Variants in OTOF observed in about 807,000 individuals in gnomAD.
OTOF encodes otoferlin.
OTOF carries 218 observed loss-of-function variants against 236.8 expected under a neutral mutation model. The ratio of observed to expected loss-of-function variants is 0.92; its 90% CI spans 0.82 to 1.03. The LOEUF (loss-of-function observed/expected upper bound fraction) is 1.03, where lower values mean the gene tolerates loss of function less well. Ranked by LOEUF, OTOF falls within the 50% of genes least tolerant of loss-of-function variation. The pLI, the probability that OTOF is intolerant of heterozygous loss-of-function variation, is 0.00. For synonymous variants in OTOF, 1,041 were observed against 1,072.5 expected (o/e 0.97, Z 0.57); for missense variants, 2,590 against 2,694.4 (o/e 0.96, Z 0.86).
At position 26,484,329 on chromosome 2, in the gene OTOF, G is replaced by C. The variant is rs55877994; in HGVS notation, c.1205+145C>G. On this transcript the variant is annotated intron_variant, in intron 12 of 46. Transcript: ENST00000272371. ...TCACCCCCTGCCCCTGCCCTGCCTCGGAAGAGTGGGGCTGCTTGGGAGAGT... is the reference window on the plus strand; with the variant it reads ...TCACCCCCTGCCCCTGCCCTGCCTCCGAAGAGTGGGGCTGCTTGGGAGAGT... The C allele has an allele frequency of 1.7e-5, 14 of 846,840 alleles. No homozygotes were observed. The African/African-American group carries it at 2.3e-4, about 14-fold the overall frequency. 52.5% of individuals were successfully genotyped at this position (846,840 alleles called of 1,614,324 possible).
At chr2:26,516,300 C>T in intron 5 of OTOF, 118 bp downstream of exon 5, 1 of 938,638 alleles carries the variant, frequency 1.1e-6, no homozygotes, top group East Asian at 2.4e-5. Flanking sequence ...TCTCCAGAAG[C>T]TCAGCCCTGT....
chr2:26,510,459 G>A (rs541222580), intron 5 of OTOF, among the ~76,000 whole-genome samples: 1 of 152,074 alleles, frequency 6.6e-6, no homozygotes, highest in South Asian at 2.1e-4. Context: ...GGTCACCCCC[G>A]AGAGCCCAGA....
Position 26,516,344 on chromosome 2 carries a change from C to T in OTOF, c.509+74G>A, listed in dbSNP as rs894804487. 3.6e-5 allele frequency: 50 copies of T among 1,385,058 alleles called. No homozygotes were observed. In the Middle Eastern group the frequency reaches 5.8e-4, roughly 16 times the overall value. The allele number at this position is 1,385,058 out of a possible 1,614,324, so 85.8% of individuals were successfully genotyped here. On this transcript the variant is annotated intron_variant, in intron 5 of 46. Transcript: ENST00000272371. ...CCCAGCTAGGCCTAGAGAGGCCTGT[C>T]AGTAGGACCAGGCCCCAGGTCTCTT...
chr2:26,531,062 C>T (rs2148116156), intron 2 of OTOF, among the ~76,000 whole-genome samples: 1 of 152,328 alleles, frequency 6.6e-6, no homozygotes, highest in East Asian at 1.9e-4. Flanking sequence ...TCCTCTACAG[C>T]TCCCTGAAAG....
intron 1 of OTOF, among the ~76,000 whole-genome samples, chr2:26,546,415 T>G (rs1459970863): frequency 6.6e-6 from 1 of 151,562 alleles, no homozygotes; most frequent in East Asian, 1.9e-4. Context: ...GAGCTGAGAT[T>G]GCTCCATTGC....
At chr2:26,502,248 C>A in intron 7 of OTOF, 52 bp downstream of exon 7, 1 of 1,608,008 alleles carries the variant, frequency 6.2e-7, no homozygotes, top group South Asian at 1.1e-5. Context: ...CAAGCCAGGT[C>A]CTGCCTGACA....
At chr2:26,465,251 A>G (rs1484017683) in intron 38 of OTOF, among the ~76,000 whole-genome samples, 1 of 152,116 alleles carries the variant, frequency 6.6e-6, no homozygotes, top group African/African-American at 2.4e-5. Flanking sequence ...TCCCCAGCCT[A>G]GCCCCACTGC....
intron 1 of OTOF, among the ~76,000 whole-genome samples, chr2:26,552,219 A>G (rs1280048166): frequency 6.6e-6 from 1 of 152,042 alleles, no homozygotes; most frequent in Non-Finnish European, 1.5e-5. Flanking sequence ...GTGAAACCCC[A>G]TCTCTACTAA....
At chr2:26,516,651 A>C in intron 4 of OTOF, 52 bp from the exon 5 acceptor site, 10 of 1,575,676 alleles carry the variant, frequency 6.3e-6, no homozygotes, top group Non-Finnish European at 8.6e-6. Flanking sequence ...AGCAATCTCC[A>C]CCCCGTATAT....
In OTOF at chr2:26,460,591, G is replaced by C. The variant is rs1664412395; in HGVS notation, c.5813+56C>G. 2.9e-6 allele frequency: 4 copies of C among 1,382,980 alleles called. No individual in the cohort carries two copies. In the East Asian group the frequency reaches 6.9e-5, roughly 24 times the overall value. 85.7% of individuals were successfully genotyped at this position (1,382,980 alleles called of 1,614,324 possible). A position where few individuals can be genotyped will look rare whatever the true frequency, so the allele number is the denominator to read the frequency against. On this transcript the variant is annotated intron_variant, in intron 45 of 46. Coordinates refer to ENST00000272371, the MANE Select transcript of OTOF (RefSeq NM_194248.3). This position sits in a 1 kb window ranked among gnomAD's most constrained non-coding sequence, Gnocchi z 5.3. ...GGTGTCTGGGGATCGTCTCCTTCCT[G>C]TTCCAGCGCCTCCAAGAGCCAGAGT...
chr2:26,520,440 T>C (rs1321898328), intron 3 of OTOF, among the ~76,000 whole-genome samples: 2 of 152,134 alleles, frequency 1.3e-5, no homozygotes, highest in Non-Finnish European at 2.9e-5. Flanking sequence ...CCCATCTGTG[T>C]GAGGGGAGGA....
rs927427614 is a variant in OTOF at position 26,468,569 on chromosome 2, T to C, written c.4024-95A>G. On this transcript the variant is annotated intron_variant, in intron 32 of 46. Coordinates refer to ENST00000272371, the MANE Select transcript of OTOF (RefSeq NM_194248.3). The stretch of plus-strand genomic sequence containing the variant: ...TGGGCCCAGACCAGTCTTAATGCAC[T>C]AGAAGTAGAAAATCTTCCCTACTGC... 92 of 893,678 alleles carry C rather than the reference T, an allele frequency of 1.0e-4. 1 individual carries two copies. The highest frequency in any genetic ancestry group is 9.5e-4 in the South Asian group (73 of 76,546). The allele number at this position is 893,678 out of a possible 1,614,324, so 55.4% of individuals were successfully genotyped here. A position where few individuals can be genotyped will look rare whatever the true frequency, so the allele number is the denominator to read the frequency against.
At chr2:26,507,719 G>A (rs562002228) in intron 5 of OTOF, among the ~76,000 whole-genome samples, 1 of 152,306 alleles carries the variant, frequency 6.6e-6, no homozygotes, top group African/African-American at 2.4e-5. Flanking sequence ...CTTGAGAAGT[G>A]AGAGCCAAGG....
At chr2:26,459,974 C>T (rs1389282433) in intron 46 of OTOF, 34 bp downstream of exon 46, 1 of 1,549,430 alleles carries the variant, frequency 6.5e-7, no homozygotes, top group Non-Finnish European at 8.7e-7. Context: ...CTGCCTAGCC[C>T]TTGGTCCAGA....
intron 5 of OTOF, among the ~76,000 whole-genome samples, chr2:26,513,303 A>T (rs568462364): frequency 6.6e-6 from 1 of 152,146 alleles, no homozygotes; most frequent in Non-Finnish European, 1.5e-5. Context: ...TGAGGACAGG[A>T]TGAATGTGGG....
In OTOF at chr2:26,480,231, G is replaced by T; in HGVS notation, c.1884C>A (p.Asp628Glu). ...EASMIDRRNG[D>E]KPITFEVTIG... ...TGGTGACCTCAAAGGTGATGGGCTT[G>T]TCTCCGTTTCTCCGGTCGATCATTG... Residue 628 changes from aspartate (D) to glutamate (E), a missense_variant, in exon 16 of 47, where the codon GAC (aspartate) becomes GAA (glutamate). By Grantham distance (45) the Asp-to-Glu change is conservative (BLOSUM62 2). Transcript: ENST00000272371. The T allele has an allele frequency of 6.2e-7, 1 of 1,612,354 alleles. No homozygotes were observed. Among genetic ancestry groups the T allele is most frequent in the South Asian group, 1.1e-5 (1 of 91,066 alleles).
In OTOF at chr2:26,482,454, C is replaced by T. The variant is rs1484959545; in HGVS notation, c.1531G>A (p.Gly511Ser). ...DSDKVNDVAI[G>S]THFIDLRKIS... Reference sequence around the variant, plus strand: ...TTGCGCAGGTCAATGAAGTGGGTGCCGATGGCCACGTCGTTGACCTTGTCC... The same window carrying T: ...TTGCGCAGGTCAATGAAGTGGGTGCTGATGGCCACGTCGTTGACCTTGTCC... Residue 511 changes from glycine to serine, a missense_variant, in exon 14 of 47, where the codon GGC (glycine) becomes AGC (serine). Gly to Ser is a moderately conservative substitution (Grantham distance 56). Transcript: ENST00000272371. 13 of 1,613,214 alleles carry T rather than the reference C, an allele frequency of 8.1e-6. No homozygotes were observed. The highest frequency in any genetic ancestry group is 1.6e-4 in the Middle Eastern group (1 of 6,080).
In OTOF at chr2:26,461,079, C is replaced by A; in HGVS notation, c.5534-49G>T. The A allele has an allele frequency of 5.8e-6, 1 of 172,818 alleles. No individual in the cohort carries two copies. Among genetic ancestry groups the A allele is most frequent in the Non-Finnish European group, 1.1e-5 (1 of 88,538 alleles). 10.7% of individuals were successfully genotyped at this position (172,818 alleles called of 1,614,324 possible). A position where few individuals can be genotyped will look rare whatever the true frequency, so the allele number is the denominator to read the frequency against. On this transcript the variant is annotated intron_variant, in intron 43 of 46. Transcript: ENST00000272371. The surrounding 1 kb of genome is among the most constrained non-coding windows in gnomAD (Gnocchi z 6.2). ...CAGAGTGAACAGGGCTGGGGTGGGG[C>A]GGGGTGGGGGTGGGGGTCTGGGCTC... is the stretch of plus-strand genomic sequence containing the variant.
intron 11 of OTOF, among the ~76,000 whole-genome samples, chr2:26,488,316 T>C (rs890509680): frequency 1.3e-5 from 2 of 152,214 alleles, no homozygotes; most frequent in African/African-American, 4.8e-5. Flanking sequence ...GAAATTATGT[T>C]CTCACTGTCA....
Sources: allele counts gnomAD v4.1 joint callset (sites outside exome capture counted in the v4.1 genomes callset), GRCh38; gene constraint gnomAD v4.1.1; non-coding constraint Gnocchi (gnomAD v3.1); transcripts MANE v1.5; gene names NCBI Gene and HGNC (gene_info 2026-07-23, HGNC 2026-07-21).